Variants in DAAM1 observed in about 807,000 individuals in gnomAD.
DAAM1 encodes the protein disheveled-associated activator of morphogenesis 1.
Under a neutral mutation model 130.0 loss-of-function variants are expected in DAAM1, and 52 were observed. The ratio of observed to expected loss-of-function variants is 0.40; its 90% CI spans 0.32 to 0.50. The LOEUF is 0.50. DAAM1 is among the 20% of genes least tolerant of loss of function. The pLI is 0.61. For synonymous variants in DAAM1, 452 were observed against 444.5 expected, an observed-to-expected ratio of 1.02 and a Z score of -0.21; for missense variants, 1,134 against 1,303.8, an observed-to-expected ratio of 0.87 and a Z score of 2.01.
At chr14:59,293,375 C>A (rs1315459728) in intron 3 of DAAM1, among the ~76,000 whole-genome samples, 1 of 152,182 alleles carries the variant, frequency 6.6e-6, no homozygotes. Flanking sequence ...GCTCATTTTT[C>A]AATTTCCACA....
At chr14:59,317,135 T>C (rs1884824428) in intron 4 of DAAM1, among the ~76,000 whole-genome samples, 1 of 152,228 alleles carries the variant, frequency 6.6e-6, no homozygotes, top group African/African-American at 2.4e-5. Context: ...TCCAAAATCC[T>C]TCCCAAGAGC....
intron 17 of DAAM1, 58 bp from the exon 18 acceptor site, chr14:59,352,468 A>G: frequency 7.2e-7 from 1 of 1,381,800 alleles, no homozygotes; most frequent in South Asian, 1.3e-5. Flanking sequence ...AGGGTGAAAA[A>G]TTACTACATG....
chr14:59,279,060 C>T (rs1396590511), intron 2 of DAAM1, among the ~76,000 whole-genome samples: 1 of 151,946 alleles, frequency 6.6e-6, no homozygotes, highest in Admixed American at 6.6e-5. Flanking sequence ...TTTTTGACAG[C>T]TTTATTGAGG....
intron 20 of DAAM1, among the ~76,000 whole-genome samples, chr14:59,355,973 CT>C (rs1886464878): frequency 1.3e-5 from 2 of 152,142 alleles, no homozygotes; most frequent in African/African-American, 4.8e-5. Context: ...CATTAAAATG[CT>C]TCCTAGAAAG....
chr14:59,192,182 G>A (rs1887753714), intron 1 of DAAM1, among the ~76,000 whole-genome samples: 1 of 151,428 alleles, frequency 6.6e-6, no homozygotes. Context: ...GTGTGTGTGT[G>A]TGTGTGTGTG....
chr14:59,259,700 C>T (rs1380372674), intron 1 of DAAM1, among the ~76,000 whole-genome samples: 1 of 152,216 alleles, frequency 6.6e-6, no homozygotes, highest in Admixed American at 6.5e-5. Flanking sequence ...TAATGACTCC[C>T]ATGTCCTAAT....
intron 1 of DAAM1, among the ~76,000 whole-genome samples, chr14:59,191,075 CT>C (rs1293901877): frequency 1.3e-5 from 2 of 152,128 alleles, no homozygotes; most frequent in Non-Finnish European, 2.9e-5. Flanking sequence ...TTTGTTTCCC[CT>C]CTGCTTGCAT....
At chr14:59,272,750 A>G (rs1882780594) in intron 2 of DAAM1, among the ~76,000 whole-genome samples, 1 of 152,180 alleles carries the variant, frequency 6.6e-6, no homozygotes, top group Non-Finnish European at 1.5e-5. Context: ...GAAAATGCTC[A>G]GAACAGTGTG....
intron 2 of DAAM1, chr14:59,265,634 G>A (rs1185520756): frequency 6.6e-6 from 1 of 152,262 alleles, no homozygotes; most frequent in Non-Finnish European, 1.5e-5. Flanking sequence ...GAGAAGAAAA[G>A]TTGGGGGGAA....
chr14:59,370,609 A>G lies in DAAM1; in HGVS notation c.*1750A>G, dbSNP rs958325227. ...TACATCTTTTCCTCATTGCAAATTT[A>G]GTGACTTTCTACACACTATATGGAA... On this transcript the variant is annotated 3_prime_UTR_variant, in exon 25 of 25. Coordinates refer to ENST00000360909, the MANE Select transcript of DAAM1 (RefSeq NM_001270520.2). 4.6e-5 allele frequency: 7 copies of G among 152,168 alleles called. No individual in the cohort carries two copies. The highest frequency in any genetic ancestry group is 1.7e-4 in the African/African-American group (7 of 41,456). The allele number at this position is 152,168 out of a possible 1,614,324, so 9.4% of individuals were successfully genotyped here. A position where few individuals can be genotyped will look rare whatever the true frequency, so the allele number is the denominator to read the frequency against.
At chr14:59,202,784 T>TG (rs1888147025) in intron 1 of DAAM1, among the ~76,000 whole-genome samples, 1 of 152,228 alleles carries the variant, frequency 6.6e-6, no homozygotes, top group Non-Finnish European at 1.5e-5. Context: ...AAAGGAATGT[T>TG]TACAACATGA....
chr14:59,267,466 T>C (rs1224111526), intron 2 of DAAM1, among the ~76,000 whole-genome samples: 1 of 152,066 alleles, frequency 6.6e-6, no homozygotes, highest in Non-Finnish European at 1.5e-5. Flanking sequence ...AGCATTGTCT[T>C]TCTAGTCTCA....
rs756283456 is a variant in DAAM1 at position 59,363,691 on chromosome 14, A to G, written c.2735A>G (p.Asp912Gly). The change falls in exon 23 of 25, where the codon GAT (aspartate) becomes GGT (glycine). Residue 912 changes from aspartate (D) to glycine (G), a missense_variant. Asp to Gly is a moderately conservative substitution (Grantham distance 94, BLOSUM62 -1). Around this residue, in one of 3 missense-constraint regions of DAAM1, gnomAD observed 644 missense variants for 695.9 expected, o/e 0.93. Transcript: ENST00000360909. Reference protein sequence around the residue: ...YQKSQPPQPGDKFVSVVSQFI... With the variant: ...YQKSQPPQPGGKFVSVVSQFI... ...AAGTCTCAGCCCCCACAGCCCGGAG[A>G]TAAGTTTGTGTCTGTTGTCAGCCAG... 4 of 1,614,106 alleles carry G rather than the reference A, an allele frequency of 2.5e-6. No individual in the cohort carries two copies. In the South Asian group the frequency reaches 4.4e-5, roughly 18 times the overall value.
At chr14:59,238,412 C>T (rs140218606) in intron 1 of DAAM1, among the ~76,000 whole-genome samples, 10 of 152,250 alleles carry the variant, frequency 6.6e-5, no homozygotes, top group Admixed American at 2.0e-4. Flanking sequence ...CTGCTCTGTA[C>T]GGTGGCCTTG....
chr14:59,238,432 C>G (rs539416092), intron 1 of DAAM1, among the ~76,000 whole-genome samples: 14 of 152,104 alleles, frequency 9.2e-5, no homozygotes, highest in Non-Finnish European at 1.5e-4. Flanking sequence ...GTTCATGAGT[C>G]TCTCCTCAGC....
intron 2 of DAAM1, among the ~76,000 whole-genome samples, chr14:59,283,695 A>G (rs891113594): frequency 6.6e-6 from 1 of 152,152 alleles, no homozygotes; most frequent in Admixed American, 6.5e-5. Context: ...CCTGGAGATG[A>G]GGATATAGAG....
intron 1 of DAAM1, among the ~76,000 whole-genome samples, chr14:59,205,285 A>G (rs1020371802): frequency 3.3e-5 from 5 of 152,374 alleles, no homozygotes; most frequent in African/African-American, 1.2e-4. Context: ...TATTAGGTCC[A>G]TGTATATAGA....
At chr14:59,305,950 A>C (rs1884364343) in intron 3 of DAAM1, among the ~76,000 whole-genome samples, 1 of 152,208 alleles carries the variant, frequency 6.6e-6, no homozygotes, top group Non-Finnish European at 1.5e-5. Context: ...TCTCAAGGAA[A>C]TGTCTCAAAG....
Position 59,285,468 on chromosome 14 carries a change from C to T in DAAM1, c.184-5749C>T, listed in dbSNP as rs575783828. On this transcript the variant is annotated intron_variant, in intron 2 of 24. Transcript: ENST00000360909. The stretch of plus-strand genomic sequence containing the variant: ...TCTGAATGTAAACAGGCTAAATGTC[C>T]CGCTCAAAAGGCATGGAGTAGCAAT... Among the ~76,000 whole-genome samples, 6 of 152,200 alleles carry T rather than the reference C, an allele frequency of 3.9e-5. No individual in the cohort carries two copies. The East Asian group carries it at 5.8e-4, about 15-fold the overall frequency.
Sources: allele counts gnomAD v4.1 joint callset (sites outside exome capture counted in the v4.1 genomes callset), GRCh38; gene constraint gnomAD v4.1.1; regional missense constraint gnomAD v4.1.1; transcripts MANE v1.5; gene names NCBI Gene and HGNC (gene_info 2026-07-23, HGNC 2026-07-21).